HSPG2: variants seen among roughly 807,000 people sequenced by gnomAD.
HSPG2 encodes the protein heparan sulfate proteoglycan 2, also known as basement membrane-specific heparan sulfate proteoglycan core protein.
In HSPG2, 278 loss-of-function variants were observed where a neutral mutation model predicts 526.6. That is an observed-to-expected ratio of 0.53 (90% CI 0.48 to 0.58). The LOEUF (loss-of-function observed/expected upper bound fraction) is 0.58, where lower values mean the gene tolerates loss of function less well. Among genes scored for constraint, HSPG2 ranks in the 20% least tolerant of loss-of-function variants. The pLI is 0.00. For synonymous variants in HSPG2, 2,465 were observed against 2,555.4 expected, an observed-to-expected ratio of 0.96 and a Z score of 1.07; for missense variants, 5,354 against 6,099.5, an observed-to-expected ratio of 0.88 and a Z score of 4.07.
rs111558823 is a variant in HSPG2 at position 21,833,528 on chromosome 1, G to A, written c.10917C>T (p.Tyr3639=). 259 of 1,614,206 alleles carry A rather than the reference G, an allele frequency of 1.6e-4. 1 individual carries two copies. In the African/African-American group the frequency reaches 2.7e-3, roughly 17 times the overall value. ...PSVRPQDAGT[Y]VCTATNRQGK... is the part of the protein sequence containing the mutation. ...CCTGGCGGTTAGTGGCGGTGCAGAC[G>A]TAGGTACCTGCGTCCTGGGGTCGGA... Residue 3639 remains tyrosine (Y), a synonymous_variant, in exon 79 of 97, where the codon TAC becomes TAT. Coordinates refer to ENST00000374695, the MANE Select transcript of HSPG2 (RefSeq NM_005529.7).
At chr1:21,852,592 C>A in intron 52 of HSPG2, 108 bp downstream of exon 52, 3 of 1,488,720 alleles carry the variant, frequency 2.0e-6, no homozygotes, top group Non-Finnish European at 2.8e-6. Context: ...CTGCAGCCAG[C>A]TCCGGTGTGG....
chr1:21,877,016 G>A (rs1201608069), intron 21 of HSPG2, among the ~76,000 whole-genome samples: 2 of 131,594 alleles, frequency 1.5e-5, no homozygotes, highest in African/African-American at 2.9e-5. Context: ...CCGAGATCGC[G>A]CCACTGCAAT....
chr1:21,843,715 C>A (rs1322927128), intron 65 of HSPG2, among the ~76,000 whole-genome samples: 1 of 152,000 alleles, frequency 6.6e-6, no homozygotes, highest in Non-Finnish European at 1.5e-5. Flanking sequence ...GGTGCAATCT[C>A]GGCTCACCGC....
rs746782811 is a variant in HSPG2 at position 21,880,508 on chromosome 1, G to C, written c.2050C>G (p.Gln684Glu). Residue 684 changes from glutamine (Q) to glutamate (E), a missense_variant, in exon 16 of 97, where the codon CAG becomes GAG. Transcript: ENST00000374695. The part of the protein sequence containing the change: ...GRPVQRAELL[Q>E]VLQSLEAVLI... ...ACGGCCTCCAGGCTCTGCAGCACCTGCAGCAGCTCCGCGCGCTGCACCGGC... is the reference window on the plus strand; with the variant it reads ...ACGGCCTCCAGGCTCTGCAGCACCTCCAGCAGCTCCGCGCGCTGCACCGGC... 6.2e-7 allele frequency: 1 copy of C among 1,613,604 alleles called. No individual in the cohort carries two copies. Among genetic ancestry groups the C allele is most frequent in the Non-Finnish European group, 8.5e-7 (1 of 1,179,996 alleles).
intron 33 of HSPG2, among the ~76,000 whole-genome samples, chr1:21,871,638 G>T (rs1640660696): frequency 6.6e-6 from 1 of 152,194 alleles, no homozygotes; most frequent in African/African-American, 2.4e-5. Flanking sequence ...CTTTGGGTAA[G>T]TTACCAAGCC....
At chr1:21,846,402 C>T in intron 63 of HSPG2, 46 bp downstream of exon 63, 2 of 1,611,948 alleles carry the variant, frequency 1.2e-6, no homozygotes, top group South Asian at 2.2e-5. Flanking sequence ...CTAGCCAGGG[C>T]CCCCACATCC....
chr1:21,824,029 C>A lies in HSPG2; in HGVS notation c.12899+92G>T. The A allele has an allele frequency of 8.1e-7, 1 of 1,233,828 alleles. No homozygotes were observed. Among genetic ancestry groups the A allele is most frequent in the Non-Finnish European group, 1.2e-6 (1 of 857,930 alleles). 76.4% of individuals were successfully genotyped at this position (1,233,828 alleles called of 1,614,324 possible). Reference sequence around the variant, plus strand: ...GGCTTCAAGTTCTGTCTCCACAGAGCTCAATACCTGCCTCTCTGCCCATGG... The same window carrying A: ...GGCTTCAAGTTCTGTCTCCACAGAGATCAATACCTGCCTCTCTGCCCATGG... On this transcript the variant is annotated intron_variant, in intron 95 of 96. Coordinates refer to ENST00000374695, the MANE Select transcript of HSPG2 (RefSeq NM_005529.7). The surrounding 1 kb of genome is among the most constrained non-coding windows in gnomAD (Gnocchi z 5.9).
intron 3 of HSPG2, among the ~76,000 whole-genome samples, chr1:21,892,090 T>A (rs2152768194): frequency 6.6e-6 from 1 of 152,366 alleles, no homozygotes. Context: ...GCCAGGCCCA[T>A]CCTCCTCCCG....
At chr1:21,930,104 C>G (rs1023066548) in intron 1 of HSPG2, among the ~76,000 whole-genome samples, 2 of 152,140 alleles carry the variant, frequency 1.3e-5, no homozygotes, top group African/African-American at 4.8e-5. Context: ...CATGCTCCCC[C>G]TCACTGATGC....
Position 21,887,105 on chromosome 1 carries a change from G to T in HSPG2, c.1078+110C>A, listed in dbSNP as rs940322188. 2.1e-5 allele frequency: 23 copies of T among 1,103,738 alleles called. No individual in the cohort carries two copies. Among genetic ancestry groups the T allele is most frequent in the Non-Finnish European group, 2.7e-5 (21 of 767,052 alleles). The allele number at this position is 1,103,738 out of a possible 1,614,324, so 68.4% of individuals were successfully genotyped here. A position where few individuals can be genotyped will look rare whatever the true frequency, so the allele number is the denominator to read the frequency against. On this transcript the variant is annotated intron_variant, in intron 9 of 96. Transcript: ENST00000374695. The surrounding 1 kb of genome is among the most constrained non-coding windows in gnomAD (Gnocchi z 5.0). Reference sequence around the variant, plus strand: ...ACAAACAGGCTTGGGGGACTGGGGAGGGGGGAAAGCGGAGGGGCAGGGTAG... The same window carrying T: ...ACAAACAGGCTTGGGGGACTGGGGATGGGGGAAAGCGGAGGGGCAGGGTAG...
rs774853271 is a variant in HSPG2, at chr1:21,829,444, C to T, written c.11931G>A (p.Glu3977=). 3.1e-6 allele frequency: 5 copies of T among 1,613,378 alleles called. No individual in the cohort carries two copies. In the South Asian group the frequency reaches 5.5e-5, roughly 18 times the overall value. The change falls in exon 87 of 97, where the codon GAG becomes GAA. Residue 3977 remains glutamate, a synonymous_variant. Coordinates refer to ENST00000374695, the MANE Select transcript of HSPG2 (RefSeq NM_005529.7). ...CCACCATCGCCAGGGACACGAAGTC[C>T]TCCACAGGCCCGCTCTTCCCCCCGC... ...LFSGGKSGPV[E]DFVSLAMVGG...
chr1:21,913,288 C>CA (rs1643764617), intron 1 of HSPG2, among the ~76,000 whole-genome samples: 1 of 152,106 alleles, frequency 6.6e-6, no homozygotes, highest in Non-Finnish European at 1.5e-5. Context: ...CTCTGGCACC[C>CA]AGAGCTGGTC....
Position 21,835,099 on chromosome 1 carries a change from CACTT to C in HSPG2, c.10454-158_10454-155del, listed in dbSNP as rs774079464. On this transcript the variant is annotated intron_variant, in intron 76 of 96. Coordinates refer to ENST00000374695, the MANE Select transcript of HSPG2 (RefSeq NM_005529.7). ...TCATGCATTCACTCACAAACACACT[CACTT>C]GTCAGGTCTTATGCATTTACTCACT... 9 of 846,662 alleles carry C rather than the reference CACTT, an allele frequency of 1.1e-5. No homozygotes were observed. The Middle Eastern group carries it at 6.5e-4, about 61-fold the overall frequency. The allele number at this position is 846,662 out of a possible 1,614,324, so 52.4% of individuals were successfully genotyped here.
At chr1:21,840,893 C>T (rs1410436665) in intron 71 of HSPG2, among the ~76,000 whole-genome samples, 2 of 152,190 alleles carry the variant, frequency 1.3e-5, no homozygotes, top group Admixed American at 1.3e-4. Flanking sequence ...CACCCTCCCA[C>T]TCATTCTTTC....
At position 21,841,572 on chromosome 1, in the gene HSPG2, C is replaced by T. The variant is rs746837408; in HGVS notation, c.9295G>A (p.Val3099Met). The change falls in exon 70 of 97, where the codon GTG becomes ATG. Residue 3099 changes from valine (V) to methionine (M), a missense_variant. Physicochemically the swap from Val to Met is conservative, Grantham distance 21 (BLOSUM62 1). Coordinates refer to ENST00000374695, the MANE Select transcript of HSPG2 (RefSeq NM_005529.7). Reference protein sequence around the residue: ...YRCVASNAYGVAQSVVNLSVH... With the variant: ...YRCVASNAYGMAQSVVNLSVH... The stretch of plus-strand genomic sequence containing the variant: ...CTGAGGTTCACCACACTCTGGGCCA[C>T]ACCGTAGGCATTGGAGGCCACGCAG... 1 of 1,614,266 alleles carries T rather than the reference C, an allele frequency of 6.2e-7. No homozygotes were observed. The highest frequency in any genetic ancestry group is 8.5e-7 in the Non-Finnish European group (1 of 1,180,052).
chr1:21,889,767 G>C, intron 6 of HSPG2: 1 of 611,090 alleles, frequency 1.6e-6, no homozygotes, highest in Non-Finnish European at 3.0e-6. Flanking sequence ...TAGAAGGAAG[G>C]AGCAGAACTC....
chr1:21,823,751 C>G (rs373098783), intron 95 of HSPG2, 32 bp from the exon 96 acceptor site: 77 of 1,575,196 alleles, frequency 4.9e-5, no homozygotes, highest in Middle Eastern at 1.7e-4. Context: ...CCCCTTTCCA[C>G]AAACTTCCTG....
In HSPG2 at chr1:21,865,589, G is replaced by T; in HGVS notation, c.4314+128C>A. The T allele has an allele frequency of 1.1e-6, 1 of 922,112 alleles. No homozygotes were observed. Among genetic ancestry groups the T allele is most frequent in the Non-Finnish European group, 1.8e-6 (1 of 559,162 alleles). The allele number at this position is 922,112 out of a possible 1,614,324, so 57.1% of individuals were successfully genotyped here. Reference sequence around the variant, plus strand: ...AACCAGGCAGGGATGTGGGGGCATGGGCCTAACTCCCCCAGCCTGTGCCAG... The same window carrying T: ...AACCAGGCAGGGATGTGGGGGCATGTGCCTAACTCCCCCAGCCTGTGCCAG... On this transcript the variant is annotated intron_variant, in intron 34 of 96. Coordinates refer to ENST00000374695, the MANE Select transcript of HSPG2 (RefSeq NM_005529.7). The surrounding 1 kb of genome is among the most constrained non-coding windows in gnomAD (Gnocchi z 5.4).
chr1:21,829,652 G>C, intron 86 of HSPG2, 48 bp from the exon 87 acceptor site: 2 of 1,496,360 alleles, frequency 1.3e-6, no homozygotes. Flanking sequence ...CTGGACCCTC[G>C]GGTGGGGTCC....
Sources: gnomAD v4.1 joint callset for allele counts (sites outside exome capture counted in the v4.1 genomes callset) on GRCh38, gnomAD v4.1.1 for gene constraint, Gnocchi (gnomAD v3.1) non-coding constraint, MANE v1.5 for transcripts, NCBI Gene and HGNC (gene_info 2026-07-23, HGNC 2026-07-21) for gene names.